Variants in CUX1 observed in about 807,000 individuals in gnomAD.
CUX1 encodes protein CASP.
A neutral mutation model predicts 158.8 loss-of-function variants in CUX1; 31 were observed. The observed-to-expected ratio is 0.20, with a 90% CI of 0.15 to 0.26. CUX1 has a LOEUF of 0.26. Among genes scored for constraint, CUX1 ranks in the 10% least tolerant of loss-of-function variants. The pLI is 1.00. For missense variants in CUX1, 1,589 were observed against 2,014.6 expected (o/e 0.79, Z 4.04); for synonymous variants, 879 against 862.1 (o/e 1.02, Z -0.34).
chr7:101,882,810 GC>G (rs1324859806), intron 1 of CUX1, among the ~76,000 whole-genome samples: 1 of 152,152 alleles, frequency 6.6e-6, no homozygotes, highest in East Asian at 1.9e-4. Context: ...GGTGACCGGC[GC>G]CCTCTGGGGT....
chr7:102,005,545 AGGCT>A (rs1045956629), intron 2 of CUX1, among the ~76,000 whole-genome samples: 3 of 152,116 alleles, frequency 2.0e-5, no homozygotes, highest in African/African-American at 7.2e-5. Flanking sequence ...TATCTTTCCC[AGGCT>A]GGTCTCAAAC....
At position 102,201,085 on chromosome 7, in the gene CUX1, G is replaced by A. The variant is rs1356731065; in HGVS notation, c.2063-275G>A. The stretch of plus-strand genomic sequence containing the variant: ...GGGGAAAGGAGCCCCAGGAGGGCAG[G>A]TCGGGGAGCACTTTCACTGACACCC... On this transcript the variant is annotated intron_variant, in intron 17 of 23. Coordinates refer to ENST00000292535, the MANE Select transcript of CUX1 (RefSeq NM_181552.4). This position sits in a 1 kb window ranked among gnomAD's most constrained non-coding sequence, Gnocchi z 5.0. 1.3e-5 allele frequency among the ~76,000 whole-genome samples: 2 copies of A among 150,096 alleles called. No homozygotes were observed. Among genetic ancestry groups the A allele is most frequent in the African/African-American group, 4.9e-5 (2 of 40,664 alleles).
In CUX1 at chr7:102,249,050, C is replaced by T. The variant is rs367876959; in HGVS notation, c.*8C>T. 6.8e-5 allele frequency: 88 copies of T among 1,291,514 alleles called. No homozygotes were observed. Among genetic ancestry groups the T allele is most frequent in the Non-Finnish European group, 9.9e-6 (10 of 1,010,006 alleles). 80.0% of individuals were successfully genotyped at this position (1,291,514 alleles called of 1,614,324 possible). ...ATCGAATGGGAGTTCTGAGGGGCCG[C>T]GGCCCTGGGGCGGGCAGCCAGGCTG... On this transcript the variant is annotated 3_prime_UTR_variant, in exon 24 of 24. Transcript: ENST00000292535.
chr7:102,254,518 G>T lies in CUX1; in HGVS notation c.*5476G>T. ...TCCCATCCAGCACCGAAGAAAATCA[G>T]CTCCTGGGGCTGGTGGTTGGAGGTG... On this transcript the variant is annotated 3_prime_UTR_variant, in exon 24 of 24. Coordinates refer to ENST00000292535, the MANE Select transcript of CUX1 (RefSeq NM_181552.4). 1.0e-6 allele frequency: 1 copy of T among 985,532 alleles called. No individual in the cohort carries two copies. Among genetic ancestry groups the T allele is most frequent in the African/African-American group, 1.7e-5 (1 of 57,386 alleles). 61.0% of individuals were successfully genotyped at this position (985,532 alleles called of 1,614,324 possible).
chr7:102,222,641 G>A (rs782510577), intron 20 of CUX1, among the ~76,000 whole-genome samples: 5 of 151,682 alleles, frequency 3.3e-5, no homozygotes, highest in Admixed American at 6.6e-5. Context: ...CGAGATTCAC[G>A]CATGTCGATA....
chr7:102,240,403 G>T (rs1415824840), intron 23 of CUX1, among the ~76,000 whole-genome samples: 1 of 151,968 alleles, frequency 6.6e-6, no homozygotes, highest in Non-Finnish European at 1.5e-5. Context: ...TGAGTAGCTA[G>T]GATGCCAATG....
intron 8 of CUX1, among the ~76,000 whole-genome samples, chr7:102,121,439 G>A (rs113067673): frequency 6.6e-6 from 1 of 151,072 alleles, no homozygotes; most frequent in East Asian, 1.9e-4. Context: ...TCCGCCTCCC[G>A]GGTTCAAGCG....
At chr7:102,013,390 A>C (rs1389821156) in intron 2 of CUX1, among the ~76,000 whole-genome samples, 1 of 152,202 alleles carries the variant, frequency 6.6e-6, no homozygotes, top group East Asian at 1.9e-4. Context: ...CAGCCAAGAG[A>C]TATAGAATGT....
intron 1 of CUX1, among the ~76,000 whole-genome samples, chr7:101,894,554 CA>C (rs1801252852): frequency 2.0e-5 from 3 of 152,100 alleles, no homozygotes. Flanking sequence ...TCAGGTGATC[CA>C]CCCGCCTCGG....
At chr7:101,819,827 A>G (rs148427197) in intron 1 of CUX1, among the ~76,000 whole-genome samples, 1 of 152,298 alleles carries the variant, frequency 6.6e-6, no homozygotes, top group African/African-American at 2.4e-5. Flanking sequence ...AGTTGAGTCC[A>G]CAGAGAGCCC....
intron 10 of CUX1, among the ~76,000 whole-genome samples, chr7:102,173,274 C>T (rs935123139): frequency 7.2e-5 from 11 of 152,126 alleles, no homozygotes; most frequent in African/African-American, 2.2e-4. Context: ...GTAGGAGAAT[C>T]GCTTGAACCT....
intron 8 of CUX1, among the ~76,000 whole-genome samples, chr7:102,132,713 G>A (rs1227807955): frequency 1.7e-5 from 2 of 116,168 alleles, no homozygotes; most frequent in Admixed American, 2.3e-4. Context: ...ACAGGGTCTC[G>A]CTCTGTCACT....
intron 1 of CUX1, among the ~76,000 whole-genome samples, chr7:101,880,192 A>AT (rs1445670018): frequency 6.6e-6 from 1 of 152,190 alleles, no homozygotes; most frequent in Non-Finnish European, 1.5e-5. Context: ...CATTGAAAAA[A>AT]CAAAAAACTC....
chr7:101,904,460 G>A (rs938662710), intron 1 of CUX1, among the ~76,000 whole-genome samples: 1 of 152,040 alleles, frequency 6.6e-6, no homozygotes, highest in Non-Finnish European at 1.5e-5. Flanking sequence ...TGGAAAGGCC[G>A]CAGCTTGTAA....
At chr7:102,007,727 G>A (rs1585253858) in intron 2 of CUX1, among the ~76,000 whole-genome samples, 1 of 150,640 alleles carries the variant, frequency 6.6e-6, no homozygotes, top group Admixed American at 6.6e-5. Flanking sequence ...CCCACCTCTG[G>A]TGTTTTTTTT....
intron 8 of CUX1, among the ~76,000 whole-genome samples, chr7:102,119,565 A>G (rs951061551): frequency 1.3e-5 from 2 of 152,258 alleles, no homozygotes; most frequent in Admixed American, 6.5e-5. Context: ...TATTAATGCA[A>G]GATTCCTTAG....
intron 2 of CUX1, among the ~76,000 whole-genome samples, chr7:101,993,495 G>A (rs1038807598): frequency 6.6e-6 from 1 of 152,206 alleles, no homozygotes; most frequent in Non-Finnish European, 1.5e-5. Flanking sequence ...AGGCCTCCCA[G>A]GGGAGCACTT....
At chr7:102,066,240 TCTGTGACATCCTAC>T (rs1563198028) in intron 3 of CUX1, among the ~76,000 whole-genome samples, 3 of 152,122 alleles carry the variant, frequency 2.0e-5, no homozygotes, top group African/African-American at 4.8e-5. Flanking sequence ...CCTTCATCGC[TCTGTGACATCCTAC>T]CTGTCTACAT....
chr7:101,901,245 A>G (rs1326812729), intron 1 of CUX1, among the ~76,000 whole-genome samples: 2 of 151,956 alleles, frequency 1.3e-5, no homozygotes, highest in South Asian at 2.1e-4. Context: ...AAAATCACCC[A>G]ATATTGGGTC....
Sources: allele counts gnomAD v4.1 joint callset (sites outside exome capture counted in the v4.1 genomes callset), GRCh38; gene constraint gnomAD v4.1.1; non-coding constraint Gnocchi (gnomAD v3.1); transcripts MANE v1.5; gene names NCBI Gene and HGNC (gene_info 2026-07-23, HGNC 2026-07-21).